Variants in ACACA observed in about 807,000 individuals in gnomAD.
ACACA encodes acetyl-CoA carboxylase alpha.
In ACACA, 103 loss-of-function variants were observed where a neutral mutation model predicts 296.1. That is an observed-to-expected ratio of 0.35 (90% CI 0.30 to 0.41). ACACA has a LOEUF of 0.41. Ranked by LOEUF, ACACA falls within the 10% of genes least tolerant of loss-of-function variation. ACACA has a pLI of 1.00. For missense variants in ACACA, 1,554 were observed against 2,989.7 expected, an observed-to-expected ratio of 0.52 and a Z score of 11.20; for synonymous variants, 953 against 1,038.6, an observed-to-expected ratio of 0.92 and a Z score of 1.58.
chr17:37,314,572 C>T (rs2046994311), intron 3 of ACACA, among the ~76,000 whole-genome samples: 1 of 151,694 alleles, frequency 6.6e-6, no homozygotes, highest in African/African-American at 2.4e-5. Flanking sequence ...AATAACGATT[C>T]CTGGGCTCCA....
chr17:37,160,391 C>A (rs2076413654), intron 42 of ACACA, among the ~76,000 whole-genome samples: 1 of 152,204 alleles, frequency 6.6e-6, no homozygotes, highest in Admixed American at 6.5e-5. Flanking sequence ...GATGCAGGTA[C>A]ATGGAAGCTT....
intron 39 of ACACA, among the ~76,000 whole-genome samples, chr17:37,183,954 GTAAT>G (rs1201677944): frequency 3.4e-5 from 5 of 147,472 alleles, no homozygotes; most frequent in African/African-American, 1.3e-4. Flanking sequence ...CTGGGTTCAA[GTAAT>G]TCTCCTGTCT....
intron 19 of ACACA, 73 bp from the exon 20 acceptor site, chr17:37,245,287 T>C (rs2080638800): frequency 6.5e-7 from 1 of 1,546,372 alleles, no homozygotes; most frequent in Admixed American, 1.7e-5. Context: ...AACTAAAATT[T>C]TTCCCTTAGC....
intron 1 of ACACA, among the ~76,000 whole-genome samples, chr17:37,363,852 G>T (rs1330731114): frequency 6.6e-6 from 1 of 152,026 alleles, no homozygotes; most frequent in Non-Finnish European, 1.5e-5. Flanking sequence ...GCAGGGCACG[G>T]TGGCTCATGC....
At chr17:37,137,178 T>C (rs1052457088) in intron 45 of ACACA, among the ~76,000 whole-genome samples, 2 of 152,184 alleles carry the variant, frequency 1.3e-5, no homozygotes, top group African/African-American at 4.8e-5. Flanking sequence ...CAATCTTTTA[T>C]CAGATTATGT....
chr17:37,316,425 G>A (rs1477418118), intron 3 of ACACA, among the ~76,000 whole-genome samples: 1 of 151,678 alleles, frequency 6.6e-6, no homozygotes, highest in African/African-American at 2.4e-5. Context: ...AGAACTCATT[G>A]AGCCCACCAT....
chr17:37,281,471 A>G (rs2082530777), intron 5 of ACACA, among the ~76,000 whole-genome samples: 1 of 152,134 alleles, frequency 6.6e-6, no homozygotes, highest in Admixed American at 6.6e-5. Context: ...TATTGAAATC[A>G]TTTGTTTCCT....
At chr17:37,310,974 T>G (rs1372877851) in intron 3 of ACACA, among the ~76,000 whole-genome samples, 1 of 152,106 alleles carries the variant, frequency 6.6e-6, no homozygotes, top group East Asian at 1.9e-4. Context: ...GAAAGTGTAG[T>G]CTTTAGCAGA....
At chr17:37,219,678 T>C (rs1439707984) in intron 29 of ACACA, among the ~76,000 whole-genome samples, 3 of 148,518 alleles carry the variant, frequency 2.0e-5, no homozygotes, top group African/African-American at 4.9e-5. Context: ...ATAAAAAACA[T>C]ATTTTTCATA....
chr17:37,360,704 G>T (rs1336463629), intron 1 of ACACA, among the ~76,000 whole-genome samples: 2 of 152,132 alleles, frequency 1.3e-5, no homozygotes, highest in East Asian at 1.9e-4. Flanking sequence ...AAATAACAGG[G>T]ATTGGAAGCA....
intron 1 of ACACA, among the ~76,000 whole-genome samples, chr17:37,359,668 GGC>G (rs2049324751): frequency 1.3e-5 from 2 of 152,210 alleles, no homozygotes; most frequent in Non-Finnish European, 2.9e-5. Context: ...GAATGGGGCA[GGC>G]GGTGTGCGGG....
chr17:37,258,154 C>G, intron 13 of ACACA, 58 bp downstream of exon 13: 1 of 1,570,474 alleles, frequency 6.4e-7, no homozygotes, highest in Non-Finnish European at 8.8e-7. Flanking sequence ...CTTTCAGATA[C>G]TATCTTAACA....
chr17:37,149,875 C>T lies in ACACA; in HGVS notation c.5668G>A (p.Ala1890Thr), dbSNP rs760230103. The T allele has an allele frequency of 6.2e-7, 1 of 1,614,072 alleles. No individual in the cohort carries two copies. Among genetic ancestry groups the T allele is most frequent in the African/African-American group, 1.3e-5 (1 of 75,052 alleles). ...CCCTAGAAACTTACTTTGTTGAGGGCTCCAGCTCCTGTTAGAATTAAGTGA... is the reference window on the plus strand; with the variant it reads ...CCCTAGAAACTTACTTTGTTGAGGGTTCCAGCTCCTGTTAGAATTAAGTGA... ...NSHLILTGAG[A>T]LNKVLGREVY... The change falls in exon 45 of 56, where the codon GCC (alanine) becomes ACC (threonine). Residue 1890 changes from alanine to threonine, a missense_variant. Around this residue, in one of 16 missense-constraint regions of ACACA, gnomAD observed 553 missense variants for 1,043.6 expected, o/e 0.53. Coordinates refer to ENST00000616317, the MANE Select transcript of ACACA (RefSeq NM_198834.3).
intron 41 of ACACA, among the ~76,000 whole-genome samples, chr17:37,173,991 T>C (rs1364175939): frequency 1.2e-4 from 1 of 8,504 alleles, no homozygotes; most frequent in Non-Finnish European, 2.0e-4. Context: ...TTTATATATA[T>C]ATATATATAT....
intron 1 of ACACA, among the ~76,000 whole-genome samples, chr17:37,390,330 A>ATATATATATATATATCTATATATC (rs1386032855): frequency 6.7e-4 from 28 of 41,572 alleles, no homozygotes; most frequent in Non-Finnish European, 8.2e-4. Context: ...ATATATATAT[A>ATATATATATATATATCTATATATC]TATAAAAGGC....
At chr17:37,225,692 A>C (rs1304973464) in intron 26 of ACACA, 1 of 171,794 alleles carries the variant, frequency 5.8e-6, no homozygotes, top group Admixed American at 5.5e-5. Flanking sequence ...GGTCACTGAG[A>C]GGTTCAATAG....
At chr17:37,356,067 G>C (rs979630225) in intron 1 of ACACA, among the ~76,000 whole-genome samples, 1 of 151,346 alleles carries the variant, frequency 6.6e-6, no homozygotes, top group African/African-American at 2.4e-5. Flanking sequence ...GCTACTCAGG[G>C]GGGTGAGGCA....
intron 24 of ACACA, 63 bp downstream of exon 24, chr17:37,240,413 A>T: frequency 7.0e-7 from 1 of 1,425,642 alleles, no homozygotes. Flanking sequence ...CTATAGGGAT[A>T]GTTTGGGTTG....
At chr17:37,351,066 G>T (rs2048877602) in intron 1 of ACACA, among the ~76,000 whole-genome samples, 1 of 152,218 alleles carries the variant, frequency 6.6e-6, no homozygotes, top group Non-Finnish European at 1.5e-5. Context: ...CTTGAACCTG[G>T]GAGGTGGAGA....
Sources: gnomAD v4.1 joint callset for allele counts (sites outside exome capture counted in the v4.1 genomes callset) on GRCh38, gnomAD v4.1.1 for gene constraint, gnomAD v4.1.1 regional missense constraint, MANE v1.5 for transcripts, NCBI Gene and HGNC (gene_info 2026-07-23, HGNC 2026-07-21) for gene names.